The following KDM4C variants were observed in gnomAD, a reference collection of about 807,000 sequenced individuals.
The protein encoded by KDM4C is lysine-specific demethylase 4C.
In KDM4C, 81 loss-of-function variants were observed where a neutral mutation model predicts 129.3. That is an observed-to-expected ratio of 0.63 (90% CI 0.52 to 0.75). The LOEUF (loss-of-function observed/expected upper bound fraction) is 0.75, where lower values mean the gene tolerates loss of function less well. Ranked by LOEUF, KDM4C falls within the 30% of genes least tolerant of loss-of-function variation. KDM4C has a pLI of 0.00. For missense variants in KDM4C, 1,457 were observed against 1,304.0 expected (o/e 1.12, Z -1.81); for synonymous variants, 573 against 456.1 (o/e 1.26, Z -3.26).
In KDM4C at chr9:6,926,834, A is replaced by C. The variant is rs1822660001; in HGVS notation, c.921+33602A>C. Among the ~76,000 whole-genome samples, 3 of 152,234 alleles carry C rather than the reference A, an allele frequency of 2.0e-5. No homozygotes were observed. The South Asian group carries it at 6.2e-4, about 32-fold the overall frequency. The stretch of plus-strand genomic sequence containing the variant: ...GGGGACTTATGGCTTGTAGTTCAGC[A>C]GTGGAAATCTGGCAATTCTTGACTG... On this transcript the variant is annotated intron_variant, in intron 8 of 21. Coordinates refer to ENST00000381309, the MANE Select transcript of KDM4C (RefSeq NM_015061.6).
chr9:7,088,421 T>C (rs150830949), intron 17 of KDM4C, among the ~76,000 whole-genome samples: 57 of 152,354 alleles, frequency 3.7e-4, no homozygotes, highest in African/African-American at 1.4e-3. Context: ...TTTTCTATAC[T>C]AGTATTGACC....
intron 8 of KDM4C, among the ~76,000 whole-genome samples, chr9:6,937,117 C>G (rs1181657251): frequency 6.6e-6 from 1 of 152,086 alleles, no homozygotes; most frequent in Non-Finnish European, 1.5e-5. Flanking sequence ...AAGACTAAAA[C>G]AATTTATAGA....
intron 1 of KDM4C, among the ~76,000 whole-genome samples, chr9:6,763,459 A>G (rs1259670403): frequency 6.7e-6 from 1 of 150,060 alleles, no homozygotes; most frequent in African/African-American, 2.4e-5. Context: ...CATAGTCTTA[A>G]GCAATCATGC....
intron 15 of KDM4C, among the ~76,000 whole-genome samples, chr9:7,016,426 T>C (rs1213225325): frequency 4.8e-5 from 1 of 20,746 alleles, no homozygotes; most frequent in African/African-American, 2.4e-4. Context: ...TGTTCCTGGC[T>C]TTTTTTTTTT....
chr9:6,889,408 C>T (rs1331929598), intron 7 of KDM4C, among the ~76,000 whole-genome samples: 2 of 152,098 alleles, frequency 1.3e-5, no homozygotes, highest in Non-Finnish European at 2.9e-5. Flanking sequence ...CACTGGTTTA[C>T]TCGCACGTTT....
chr9:6,943,173 T>G (rs942354153), intron 8 of KDM4C, among the ~76,000 whole-genome samples: 3 of 152,182 alleles, frequency 2.0e-5, no homozygotes, highest in African/African-American at 7.2e-5. Flanking sequence ...GAGCCTGGCC[T>G]CTGATTGAAT....
intron 8 of KDM4C, among the ~76,000 whole-genome samples, chr9:6,920,908 T>C (rs990644445): frequency 6.6e-6 from 1 of 152,210 alleles, no homozygotes; most frequent in African/African-American, 2.4e-5. Context: ...TGGCATGTTT[T>C]GAGGTATCAG....
intron 8 of KDM4C, among the ~76,000 whole-genome samples, chr9:6,903,978 G>C: frequency 6.6e-6 from 1 of 152,184 alleles, no homozygotes; most frequent in South Asian, 2.1e-4. Flanking sequence ...GGTGGCTCAC[G>C]TCTGTAATCC....
chr9:6,818,439 G>GT (rs1458298476), intron 4 of KDM4C, among the ~76,000 whole-genome samples: 4 of 152,220 alleles, frequency 2.6e-5, no homozygotes, highest in African/African-American at 9.6e-5. Flanking sequence ...GCAGGGGCAA[G>GT]TTATGCACAT....
At chr9:6,748,174 AAC>A (rs796544670) in intron 1 of KDM4C, among the ~76,000 whole-genome samples, 3,357 of 67,074 alleles carry the variant, frequency 0.05, 129 homozygotes, top group African/African-American at 0.17. Flanking sequence ...TCAAAAAAAA[AAC>A]AAACAAACAA....
intron 18 of KDM4C, chr9:7,104,199 T>C: frequency 4.0e-6 from 1 of 248,102 alleles, no homozygotes; most frequent in South Asian, 7.3e-5. Context: ...CATTGTGCAC[T>C]GCACATATCC....
intron 18 of KDM4C, among the ~76,000 whole-genome samples, chr9:7,117,541 TTTG>T (rs1839038685): frequency 6.6e-6 from 1 of 152,060 alleles, no homozygotes; most frequent in Non-Finnish European, 1.5e-5. Context: ...TTCCTCCAAC[TTTG>T]TTATTTTATT....
At chr9:6,779,046 T>TTTTTTTTTTTTTTA (rs71315563) in intron 1 of KDM4C, among the ~76,000 whole-genome samples, 3 of 144,254 alleles carry the variant, frequency 2.1e-5, no homozygotes, top group African/African-American at 7.9e-5. Context: ...TTTTTTTTTT[T>TTTTTTTTTTTTTTA]GAGATGGAGT....
intron 17 of KDM4C, among the ~76,000 whole-genome samples, chr9:7,084,969 G>T (rs543771104): frequency 6.2e-4 from 94 of 152,352 alleles, no homozygotes; most frequent in African/African-American, 2.2e-3. Context: ...GGCCTAATTT[G>T]GAGGGTCAAG....
chr9:6,943,341 G>A (rs60170601), intron 8 of KDM4C, among the ~76,000 whole-genome samples: 10,721 of 152,184 alleles, frequency 0.07, 1,097 homozygotes, highest in African/African-American at 0.23. Flanking sequence ...TAAGTCTTTT[G>A]AAGTCATTAT....
intron 4 of KDM4C, among the ~76,000 whole-genome samples, chr9:6,829,680 G>A (rs1409037192): frequency 6.6e-6 from 1 of 152,182 alleles, no homozygotes; most frequent in Non-Finnish European, 1.5e-5. Flanking sequence ...GATGGTTAGA[G>A]CTTGAACACT....
chr9:6,906,002 G>T (rs925200311), intron 8 of KDM4C, among the ~76,000 whole-genome samples: 1 of 152,172 alleles, frequency 6.6e-6, no homozygotes, highest in Non-Finnish European at 1.5e-5. Flanking sequence ...CTGGAGCCCA[G>T]ATTCAAATGA....
In KDM4C at chr9:6,841,033, C is replaced by T. The variant is rs116107476; in HGVS notation, c.436-8474C>T. ...CTGTAGTCCTGCCCATCTGTATATT[C>T]TTTTTGATGACTTCGTTAAGTTACG... On this transcript the variant is annotated intron_variant, in intron 4 of 21. Transcript: ENST00000381309. Among the ~76,000 whole-genome samples the T allele has an allele frequency of 2.0e-5, 3 of 152,140 alleles. No homozygotes were observed. The South Asian group carries it at 6.2e-4, about 32-fold the overall frequency.
chr9:7,003,332 A>G (rs1821075455), intron 12 of KDM4C, among the ~76,000 whole-genome samples: 1 of 152,110 alleles, frequency 6.6e-6, no homozygotes, highest in Non-Finnish European at 1.5e-5. Context: ...AATATATATA[A>G]AATATGAGCT....
Sources: allele counts gnomAD v4.1 joint callset (sites outside exome capture counted in the v4.1 genomes callset), GRCh38; gene constraint gnomAD v4.1.1; transcripts MANE v1.5; gene names NCBI Gene and HGNC (gene_info 2026-07-23, HGNC 2026-07-21).